PHLPP2: variants seen among roughly 807,000 people sequenced by gnomAD.
The protein encoded by PHLPP2 is PH domain and leucine rich repeat protein phosphatase 2.
In PHLPP2, 66 loss-of-function variants were observed where a neutral mutation model predicts 124.9. The observed-to-expected ratio is 0.53, with a 90% CI of 0.43 to 0.65. The LOEUF (loss-of-function observed/expected upper bound fraction) is 0.65. Ranked by LOEUF, PHLPP2 falls within the 30% of genes least tolerant of loss-of-function variation. The probability of loss-of-function intolerance (pLI) is 0.00; values close to 1 mark genes in which losing one functional copy is unlikely to be tolerated. For synonymous variants in PHLPP2, 681 were observed against 624.7 expected (o/e 1.09, Z -1.34); for missense variants, 1,685 against 1,600.4 (o/e 1.05, Z -0.90).
rs2044732185 is a variant in PHLPP2, at chr16:71,655,239, C to A, written c.2585+1G>T. On this transcript the variant is annotated splice_donor_variant, in intron 17 of 18. Coordinates refer to ENST00000568954, the MANE Select transcript of PHLPP2 (RefSeq NM_015020.3). LOFTEE classifies it high-confidence loss of function. ...AGGGATTTTTCAACCCACCTGCTTA[C>A]CTGTGAGATACCAAGAAGGTGTTAG... 2 of 1,602,928 alleles carry A rather than the reference C, an allele frequency of 1.2e-6. No homozygotes were observed. Among genetic ancestry groups the A allele is most frequent in the East Asian group, 4.5e-5 (2 of 44,792 alleles).
chr16:71,714,176 G>A (rs1254785339), intron 2 of PHLPP2, among the ~76,000 whole-genome samples: 1 of 152,082 alleles, frequency 6.6e-6, no homozygotes, highest in Non-Finnish European at 1.5e-5. Flanking sequence ...CTGACCTCAA[G>A]TGATACACCC....
intron 3 of PHLPP2, among the ~76,000 whole-genome samples, chr16:71,700,519 C>CTTTTTTTTTTT (rs1234453846): frequency 1.2e-5 from 1 of 83,346 alleles, no homozygotes; most frequent in Non-Finnish European, 2.2e-5. Context: ...TGACTCATTT[C>CTTTTTTTTTTT]TTTTTTTTTT....
At chr16:71,651,177 A>T (rs1406196330) in intron 18 of PHLPP2, among the ~76,000 whole-genome samples, 1 of 152,110 alleles carries the variant, frequency 6.6e-6, no homozygotes. Flanking sequence ...CATCTCTACT[A>T]AAAACACAAA....
intron 12 of PHLPP2, among the ~76,000 whole-genome samples, chr16:71,666,761 G>T (rs1451148052): frequency 1.3e-5 from 2 of 152,208 alleles, no homozygotes; most frequent in Non-Finnish European, 2.9e-5. Context: ...TTCAAAGGCG[G>T]TTTGGTAAAG....
intron 4 of PHLPP2, 117 bp from the exon 5 acceptor site, chr16:71,684,718 TTC>T: frequency 1.0e-6 from 1 of 984,040 alleles, no homozygotes; most frequent in Middle Eastern, 3.2e-4. Flanking sequence ...TTTTTATTTT[TTC>T]TCTCTCCCTC....
chr16:71,670,970 G>A (rs1185447146), intron 10 of PHLPP2, among the ~76,000 whole-genome samples: 1 of 152,316 alleles, frequency 6.6e-6, no homozygotes, highest in Admixed American at 6.5e-5. Flanking sequence ...CCAGCATGGA[G>A]GAGACTGGGG....
intron 10 of PHLPP2, among the ~76,000 whole-genome samples, chr16:71,670,178 T>C (rs937488848): frequency 2.0e-5 from 3 of 152,050 alleles, no homozygotes; most frequent in African/African-American, 7.2e-5. Context: ...AAACATATGA[T>C]GTGTATGGGG....
At chr16:71,698,255 G>C (rs1425856094) in intron 3 of PHLPP2, among the ~76,000 whole-genome samples, 2 of 152,168 alleles carry the variant, frequency 1.3e-5, no homozygotes, top group Non-Finnish European at 2.9e-5. Context: ...GGATGTAACT[G>C]ACCCCGCAGC....
At chr16:71,675,165 T>C (rs2044934873) in intron 9 of PHLPP2, among the ~76,000 whole-genome samples, 1 of 152,250 alleles carries the variant, frequency 6.6e-6, no homozygotes, top group Non-Finnish European at 1.5e-5. Context: ...GGGGTGGTTT[T>C]ACCAGTCACC....
At chr16:71,655,511 T>C in intron 16 of PHLPP2, 77 bp from the exon 17 acceptor site, 1 of 1,197,888 alleles carries the variant, frequency 8.3e-7, no homozygotes, top group Non-Finnish European at 1.2e-6. Context: ...TTCTTTTTTT[T>C]TTTTTTTTTG....
chr16:71,661,759 G>A lies in PHLPP2; in HGVS notation c.1985+2140C>T, dbSNP rs372730291. 8.5e-5 allele frequency among the ~76,000 whole-genome samples: 13 copies of A among 152,226 alleles called. No individual in the cohort carries two copies. The South Asian group carries it at 2.7e-3, about 32-fold the overall frequency. On this transcript the variant is annotated intron_variant, in intron 13 of 18. Coordinates refer to ENST00000568954, the MANE Select transcript of PHLPP2 (RefSeq NM_015020.3). ...GCAGGCTAAGGTGAGATGATCACTTGAGGCCAGGAGTTCAAGACCAGCCTG... is the reference window on the plus strand; with the variant it reads ...GCAGGCTAAGGTGAGATGATCACTTAAGGCCAGGAGTTCAAGACCAGCCTG...
At chr16:71,668,670 C>T (rs1476141586) in intron 11 of PHLPP2, among the ~76,000 whole-genome samples, 1 of 151,484 alleles carries the variant, frequency 6.6e-6, no homozygotes, top group Non-Finnish European at 1.5e-5. Context: ...GAGCTGAGGA[C>T]AGAGAATCAC....
At chr16:71,717,385 T>G (rs920966226) in intron 1 of PHLPP2, among the ~76,000 whole-genome samples, 1 of 152,224 alleles carries the variant, frequency 6.6e-6, no homozygotes, top group African/African-American at 2.4e-5. Context: ...ACTGATCATT[T>G]TGCAGATCTT....
intron 3 of PHLPP2, among the ~76,000 whole-genome samples, chr16:71,691,061 C>T (rs2045106744): frequency 6.6e-6 from 1 of 152,196 alleles, no homozygotes; most frequent in Admixed American, 6.6e-5. Context: ...GGTTCTGTCA[C>T]TTTGTTTACT....
chr16:71,723,576 C>T, intron 1 of PHLPP2: 1 of 241,366 alleles, frequency 4.1e-6, no homozygotes, highest in Non-Finnish European at 7.8e-6. Flanking sequence ...TGGACGCGGG[C>T]GCGGCGCGGA....
At chr16:71,664,180 T>C in intron 12 of PHLPP2, 81 bp from the exon 13 acceptor site, 1 of 924,094 alleles carries the variant, frequency 1.1e-6, no homozygotes. Context: ...GTCACCTCAG[T>C]ATGGAATGCT....
intron 2 of PHLPP2, among the ~76,000 whole-genome samples, chr16:71,706,138 T>C (rs1047428957): frequency 6.6e-6 from 1 of 152,264 alleles, no homozygotes; most frequent in Admixed American, 6.5e-5. Flanking sequence ...ATTTGAACTA[T>C]TTCTACTACT....
intron 11 of PHLPP2, among the ~76,000 whole-genome samples, chr16:71,667,774 T>A (rs1596995251): frequency 6.6e-6 from 1 of 152,240 alleles, no homozygotes; most frequent in African/African-American, 2.4e-5. Flanking sequence ...TCAGAAAGGT[T>A]CAGTAACTTT....
In PHLPP2 at chr16:71,656,589, A is replaced by G. The variant is rs752462880; in HGVS notation, c.2372T>C (p.Met791Thr). ...TACTCACTTATTTCTCTGCCCTGCC[A>G]TCTCAGCCAGTCCATGGCTCCAGAA... is the stretch of plus-strand genomic sequence containing the variant. ...STFWSHGLAE[M>T]AGQRNKLCVS... The change falls in exon 16 of 19, where the codon ATG (methionine) becomes ACG (threonine). Residue 791 changes from methionine to threonine, a missense_variant. Physicochemically the swap from Met to Thr is moderately conservative, Grantham distance 81. Coordinates refer to ENST00000568954, the MANE Select transcript of PHLPP2 (RefSeq NM_015020.3). 3.7e-6 allele frequency: 6 copies of G among 1,608,514 alleles called. No individual in the cohort carries two copies. The highest frequency in any genetic ancestry group is 2.2e-5 in the East Asian group (1 of 44,826).
Sources: gnomAD v4.1 joint callset for allele counts (sites outside exome capture counted in the v4.1 genomes callset) on GRCh38, gnomAD v4.1.1 for gene constraint, MANE v1.5 for transcripts, NCBI Gene and HGNC (gene_info 2026-07-23, HGNC 2026-07-21) for gene names.